The following TPST2 variants were observed in gnomAD, a reference collection of about 807,000 sequenced individuals.
TPST2 encodes protein-tyrosine sulfotransferase 2.
Under a neutral mutation model 27.8 loss-of-function variants are expected in TPST2, and 16 were observed. The ratio of observed to expected loss-of-function variants is 0.58; its 90% CI spans 0.39 to 0.88. The LOEUF (loss-of-function observed/expected upper bound fraction) is 0.88. Ranked by LOEUF, TPST2 falls within the 40% of genes least tolerant of loss-of-function variation. The pLI is 0.00. For synonymous variants in TPST2, 229 were observed against 231.7 expected, an observed-to-expected ratio of 0.99 and a Z score of 0.10; for missense variants, 464 against 543.1, an observed-to-expected ratio of 0.85 and a Z score of 1.45.
chr22:26,572,540 G>A (rs1233474234), intron 1 of TPST2, among the ~76,000 whole-genome samples: 1 of 152,106 alleles, frequency 6.6e-6, no homozygotes, highest in Non-Finnish European at 1.5e-5. Context: ...GCTAATAGAT[G>A]GGTCCATACC....
intron 3 of TPST2, among the ~76,000 whole-genome samples, chr22:26,538,927 T>C (rs761162517): frequency 7.9e-5 from 12 of 152,212 alleles, no homozygotes; most frequent in Non-Finnish European, 1.8e-4. Flanking sequence ...GTATGTTTCG[T>C]TGGACTCCAG....
intron 1 of TPST2, among the ~76,000 whole-genome samples, chr22:26,562,939 A>T (rs766649738): frequency 6.6e-6 from 1 of 152,144 alleles, no homozygotes; most frequent in Non-Finnish European, 1.5e-5. Context: ...TAATGTCCAG[A>T]GATAGTTTTG....
At chr22:26,535,036 TACACTTC>T in intron 4 of TPST2, among the ~76,000 whole-genome samples, 1 of 152,170 alleles carries the variant, frequency 6.6e-6, no homozygotes, top group African/African-American at 2.4e-5. Context: ...AGACAAAGCT[TACACTTC>T]AATTACAAGG....
At chr22:26,531,097 T>C (rs1925133049) in intron 5 of TPST2, among the ~76,000 whole-genome samples, 1 of 152,196 alleles carries the variant, frequency 6.6e-6, no homozygotes, top group South Asian at 2.1e-4. Flanking sequence ...CTAGCTGACC[T>C]GGGACTGGTT....
intron 1 of TPST2, among the ~76,000 whole-genome samples, chr22:26,568,271 G>A (rs988170043): frequency 6.6e-6 from 1 of 152,308 alleles, no homozygotes; most frequent in Middle Eastern, 3.4e-3. Flanking sequence ...CACCTGTGAT[G>A]AGCGAAACAA....
chr22:26,556,279 C>T (rs1330941027), intron 1 of TPST2, among the ~76,000 whole-genome samples: 3 of 152,160 alleles, frequency 2.0e-5, no homozygotes, highest in Non-Finnish European at 4.4e-5. Flanking sequence ...TGGCTCATGT[C>T]TATAATCCCA....
chr22:26,548,806 AAT>A (rs1491017964), intron 1 of TPST2, among the ~76,000 whole-genome samples: 1 of 95,838 alleles, frequency 1.0e-5, no homozygotes, highest in Non-Finnish European at 2.3e-5. Context: ...TACAAAAAAA[AAT>A]TTTTTTTTAA....
chr22:26,550,506 A>C (rs1926407510), intron 1 of TPST2: 1 of 856,856 alleles, frequency 1.2e-6, no homozygotes, highest in African/African-American at 1.8e-5. Context: ...GAGGTTCCCA[A>C]GAGAAAAGCG....
chr22:26,545,800 C>A (rs1358781741), intron 1 of TPST2, among the ~76,000 whole-genome samples: 1 of 152,138 alleles, frequency 6.6e-6, no homozygotes, highest in Non-Finnish European at 1.5e-5. Flanking sequence ...CTCAGCCAGG[C>A]CTGGGGTGGT....
intron 3 of TPST2, among the ~76,000 whole-genome samples, chr22:26,538,998 A>G (rs1467900509): frequency 2.6e-5 from 4 of 152,224 alleles, no homozygotes; most frequent in Non-Finnish European, 5.9e-5. Flanking sequence ...GGGTGGTGAG[A>G]TCATGGGTTG....
intron 1 of TPST2, among the ~76,000 whole-genome samples, chr22:26,578,912 C>T (rs538295694): frequency 6.7e-5 from 10 of 149,550 alleles, no homozygotes; most frequent in East Asian, 3.9e-4. Flanking sequence ...AGTGCAGTGG[C>T]GTGATCTTGG....
Position 26,555,299 on chromosome 22 carries a change from C to A in TPST2, c.-160-10624G>T, listed in dbSNP as rs769796998. On this transcript the variant is annotated intron_variant, in intron 1 of 6. Transcript: ENST00000338754. ...ACCAAAGACCGCAATTACTTTTGCA[C>A]CAGCTAACTATTCACTGGCTGCCCA... The A allele has an allele frequency of 1.7e-5, 9 of 518,994 alleles. No individual in the cohort carries two copies. In the East Asian group the frequency reaches 4.9e-4, roughly 28 times the overall value. The allele number at this position is 518,994 out of a possible 1,614,324, so 32.1% of individuals were successfully genotyped here. A position where few individuals can be genotyped will look rare whatever the true frequency, so the allele number is the denominator to read the frequency against.
Position 26,541,587 on chromosome 22 carries a change from G to A in TPST2, c.44C>T (p.Ala15Val), listed in dbSNP as rs1390492467. 1 of 1,602,146 alleles carries A rather than the reference G, an allele frequency of 6.2e-7. No individual in the cohort carries two copies. Among genetic ancestry groups the A allele is most frequent in the Admixed American group, 1.7e-5 (1 of 59,196 alleles). ...CTGAACCGCCAGCACCAGGACCAGG[G>A]CGCAGCCGGCTGCCAGCAGCACCCT... ...VRRVLLAAGCALVLVLAVQLG... is the reference protein window; with the variant it reads ...VRRVLLAAGCVLVLVLAVQLG... The change falls in exon 3 of 7, where the codon GCC (alanine) becomes GTC (valine). Residue 15 changes from alanine to valine, a missense_variant. Ala to Val is a moderately conservative substitution (Grantham distance 64). Coordinates refer to ENST00000338754, the MANE Select transcript of TPST2 (RefSeq NM_003595.5). This position sits in a 1 kb window ranked among gnomAD's most constrained non-coding sequence, Gnocchi z 5.9.
rs1021778409 is a variant in TPST2 at position 26,541,827 on chromosome 22, G to C, written c.-88-109C>G. ...ACAAGAGGCTGCTGACATGAATGCA[G>C]AGGGCACCTTTCATAAGCACTAGCT... is the stretch of plus-strand genomic sequence containing the variant. On this transcript the variant is annotated intron_variant, in intron 2 of 6. Transcript: ENST00000338754. This position sits in a 1 kb window ranked among gnomAD's most constrained non-coding sequence, Gnocchi z 5.9. The C allele has an allele frequency of 4.6e-6, 5 of 1,087,878 alleles. No homozygotes were observed. Among genetic ancestry groups the C allele is most frequent in the Non-Finnish European group, 6.3e-6 (5 of 795,524 alleles). 67.4% of individuals were successfully genotyped at this position (1,087,878 alleles called of 1,614,324 possible).
At chr22:26,551,872 CTTTTCTTTTTCTTTTTTT>C (rs1926490181) in intron 1 of TPST2, among the ~76,000 whole-genome samples, 1 of 120,064 alleles carries the variant, frequency 8.3e-6, no homozygotes, top group Non-Finnish European at 1.7e-5. Context: ...TTTTCCTTTT[CTTTTCTTTTTCTTTTTTT>C]TTTTTTTTTT....
chr22:26,571,980 A>G (rs990539219), intron 1 of TPST2, among the ~76,000 whole-genome samples: 7 of 152,048 alleles, frequency 4.6e-5, no homozygotes, highest in Non-Finnish European at 7.4e-5. Context: ...CCCCGCCTTC[A>G]CTATACTTTC....
At chr22:26,569,088 C>A (rs560405389) in intron 1 of TPST2, among the ~76,000 whole-genome samples, 69 of 152,220 alleles carry the variant, frequency 4.5e-4, no homozygotes, top group African/African-American at 1.6e-3. Flanking sequence ...TGGTCTCGAT[C>A]TCCTGACTTC....
intron 4 of TPST2, chr22:26,536,070 A>G (rs1231918516): frequency 3.0e-5 from 21 of 709,166 alleles, no homozygotes; most frequent in Non-Finnish European, 4.2e-5. Context: ...ATGTTAGAGT[A>G]TGAGAGACAG....
intron 1 of TPST2, among the ~76,000 whole-genome samples, chr22:26,569,453 C>T (rs1927514526): frequency 6.6e-6 from 1 of 152,166 alleles, no homozygotes; most frequent in Admixed American, 6.5e-5. Flanking sequence ...ATGAAATATG[C>T]ATTTTTCTGT....
Sources: gnomAD v4.1 joint callset for allele counts (sites outside exome capture counted in the v4.1 genomes callset) on GRCh38, gnomAD v4.1.1 for gene constraint, Gnocchi (gnomAD v3.1) non-coding constraint, MANE v1.5 for transcripts, NCBI Gene and HGNC (gene_info 2026-07-23, HGNC 2026-07-21) for gene names.